Variants in NXPH1 observed in about 807,000 individuals in gnomAD.
NXPH1 encodes the protein neurexophilin-1.
A neutral mutation model predicts 23.7 loss-of-function variants in NXPH1; 5 were observed. That is an observed-to-expected ratio of 0.21 (90% CI 0.11 to 0.44). NXPH1 has a LOEUF of 0.44. Among genes scored for constraint, NXPH1 ranks in the 20% least tolerant of loss-of-function variants. The pLI, the probability that NXPH1 is intolerant of heterozygous loss-of-function variation, is 0.99. For synonymous variants in NXPH1, 144 were observed against 122.2 expected (o/e 1.18, Z -1.18); for missense variants, 324 against 321.6 (o/e 1.01, Z -0.06).
chr7:8,551,084 T>G (rs976580630), intron 2 of NXPH1, among the ~76,000 whole-genome samples: 3 of 151,516 alleles, frequency 2.0e-5, no homozygotes, highest in Non-Finnish European at 4.4e-5. Flanking sequence ...TCTTAGTTTT[T>G]TAAAAATTCT....
chr7:8,732,278 G>A (rs913323658), intron 2 of NXPH1, among the ~76,000 whole-genome samples: 7 of 152,340 alleles, frequency 4.6e-5, no homozygotes, highest in South Asian at 4.1e-4. Context: ...TACCTCAGAT[G>A]GAAATGCAGA....
At chr7:8,565,826 CTA>C (rs946028464) in intron 2 of NXPH1, among the ~76,000 whole-genome samples, 1 of 151,730 alleles carries the variant, frequency 6.6e-6, no homozygotes, top group African/African-American at 2.4e-5. Context: ...CTTTCTATTT[CTA>C]TGATTCCTGG....
At chr7:8,474,450 G>A (rs1433152337) in intron 2 of NXPH1, among the ~76,000 whole-genome samples, 1 of 152,046 alleles carries the variant, frequency 6.6e-6, no homozygotes, top group African/African-American at 2.4e-5. Context: ...ATGCATAATA[G>A]ACTCATGCTA....
chr7:8,692,493 T>C (rs892347284), intron 2 of NXPH1, among the ~76,000 whole-genome samples: 3 of 152,188 alleles, frequency 2.0e-5, no homozygotes, highest in African/African-American at 4.8e-5. Flanking sequence ...AATCAAAGGA[T>C]TGTTTGTTTC....
chr7:8,635,327 C>T (rs1230404339), intron 2 of NXPH1, among the ~76,000 whole-genome samples: 1 of 152,226 alleles, frequency 6.6e-6, no homozygotes, highest in African/African-American at 2.4e-5. Context: ...TCTCACATCA[C>T]ATTCTATTTG....
At chr7:8,719,056 A>C (rs1779923385) in intron 2 of NXPH1, among the ~76,000 whole-genome samples, 1 of 152,252 alleles carries the variant, frequency 6.6e-6, no homozygotes, top group African/African-American at 2.4e-5. Flanking sequence ...GGATAAAAAT[A>C]TGGGTGGAGA....
rs115362843 is a variant in NXPH1, at chr7:8,488,056, T to G, written c.54+52289T>G. On this transcript the variant is annotated intron_variant, in intron 2 of 2. Coordinates refer to ENST00000405863, the MANE Select transcript of NXPH1 (RefSeq NM_152745.3). Reference sequence around the variant, plus strand: ...TCTGCCACCAGATTATAAGCCAGTTTAGGGCAAAGTCTTTACTCATTATTT... The same window carrying G: ...TCTGCCACCAGATTATAAGCCAGTTGAGGGCAAAGTCTTTACTCATTATTT... Among the ~76,000 whole-genome samples the G allele has an allele frequency of 5.5e-3, 838 of 152,286 alleles. 8 individuals carry two copies. The highest frequency in any genetic ancestry group is 0.02 in the African/African-American group (812 of 41,584).
chr7:8,676,233 A>T (rs538179162), intron 2 of NXPH1, among the ~76,000 whole-genome samples: 4 of 152,304 alleles, frequency 2.6e-5, no homozygotes, highest in African/African-American at 9.6e-5. Flanking sequence ...TGTTATCCTA[A>T]GTGTCTATTG....
intron 2 of NXPH1, among the ~76,000 whole-genome samples, chr7:8,575,984 G>T (rs1584243609): frequency 6.6e-6 from 1 of 152,222 alleles, no homozygotes; most frequent in African/African-American, 2.4e-5. Context: ...GATTATTAGA[G>T]AGATTTTATC....
At chr7:8,556,893 A>C in intron 2 of NXPH1, among the ~76,000 whole-genome samples, 1 of 151,536 alleles carries the variant, frequency 6.6e-6, no homozygotes, top group East Asian at 2.0e-4. Flanking sequence ...TGATTCTCAC[A>C]ACTTATGGGT....
chr7:8,463,801 G>A (rs1816733082), intron 2 of NXPH1, among the ~76,000 whole-genome samples: 1 of 152,124 alleles, frequency 6.6e-6, no homozygotes, highest in East Asian at 1.9e-4. Flanking sequence ...TCTGTAAAAT[G>A]AAGGTTTTGA....
At chr7:8,501,373 G>C (rs1817430359) in intron 2 of NXPH1, among the ~76,000 whole-genome samples, 1 of 152,000 alleles carries the variant, frequency 6.6e-6, no homozygotes, top group Non-Finnish European at 1.5e-5. Context: ...CATAGCCTGA[G>C]TGCCTGGACA....
chr7:8,537,844 A>G (rs986084067), intron 2 of NXPH1, among the ~76,000 whole-genome samples: 2 of 151,896 alleles, frequency 1.3e-5, no homozygotes, highest in Non-Finnish European at 2.9e-5. Context: ...GTTCAAATCA[A>G]ATATGTACTT....
chr7:8,607,866 G>C (rs1447207268), intron 2 of NXPH1, among the ~76,000 whole-genome samples: 1 of 152,230 alleles, frequency 6.6e-6, no homozygotes, highest in African/African-American at 2.4e-5. Flanking sequence ...ACTGAAGTAA[G>C]GTGGACTCTT....
At chr7:8,466,640 G>A (rs535972104) in intron 2 of NXPH1, among the ~76,000 whole-genome samples, 1 of 152,272 alleles carries the variant, frequency 6.6e-6, no homozygotes, top group East Asian at 1.9e-4. Flanking sequence ...GGAAGATGGT[G>A]TGGGGAAAAT....
chr7:8,492,282 T>C (rs1328978033), intron 2 of NXPH1, among the ~76,000 whole-genome samples: 2 of 152,056 alleles, frequency 1.3e-5, no homozygotes, highest in East Asian at 1.9e-4. Context: ...ATCCATGATG[T>C]CACTCTTATT....
intron 2 of NXPH1, among the ~76,000 whole-genome samples, chr7:8,521,591 A>G (rs1445788899): frequency 1.3e-5 from 2 of 152,158 alleles, no homozygotes; most frequent in Non-Finnish European, 2.9e-5. Context: ...TTGTTGAATG[A>G]TGGAGAGACC....
At chr7:8,637,387 T>A (rs1820233466) in intron 2 of NXPH1, among the ~76,000 whole-genome samples, 1 of 152,066 alleles carries the variant, frequency 6.6e-6, no homozygotes, top group South Asian at 2.1e-4. Context: ...CATGCCTGGC[T>A]AATTTAAAAA....
chr7:8,624,632 T>TTGAA (rs1819948973), intron 2 of NXPH1, among the ~76,000 whole-genome samples: 1 of 151,972 alleles, frequency 6.6e-6, no homozygotes, highest in African/African-American at 2.4e-5. Flanking sequence ...ATGCATCTTT[T>TTGAA]TGAATGAATG....
Sources: gnomAD v4.1 joint callset for allele counts (sites outside exome capture counted in the v4.1 genomes callset) on GRCh38, gnomAD v4.1.1 for gene constraint, MANE v1.5 for transcripts, NCBI Gene and HGNC (gene_info 2026-07-23, HGNC 2026-07-21) for gene names.